ZNF638: variants seen among roughly 807,000 people sequenced by gnomAD.
The protein encoded by ZNF638 is zinc finger protein 638, also known as CTCL tumor antigen se33-1.
Under a neutral mutation model 195.6 loss-of-function variants are expected in ZNF638, and 46 were observed. That is an observed-to-expected ratio of 0.24 (90% CI 0.19 to 0.30). The LOEUF is 0.30. ZNF638 is among the 10% of genes least tolerant of loss of function. The probability of loss-of-function intolerance (pLI) is 1.00; values close to 1 mark genes in which losing one functional copy is unlikely to be tolerated. For synonymous variants in ZNF638, 845 were observed against 772.0 expected, an observed-to-expected ratio of 1.09 and a Z score of -1.57; for missense variants, 2,440 against 2,325.3, an observed-to-expected ratio of 1.05 and a Z score of -1.01.
chr2:71,395,836 T>C (rs1318346820), intron 10 of ZNF638: 31 of 457,800 alleles, frequency 6.8e-5, no homozygotes, highest in Non-Finnish European at 1.2e-4. Flanking sequence ...ACTTGATATA[T>C]TGTGTGTGTT....
At position 71,349,013 on chromosome 2, in the gene ZNF638, C is replaced by T. The variant is rs1411404546; in HGVS notation, c.59C>T (p.Pro20Leu). The stretch of plus-strand genomic sequence containing the variant: ...TTTCCACTTCAAAGGCCACGAGCAC[C>T]TAACCCTTCTGGGATGAGGCCTCCA... ...GDFPLQRPRA[P>L]NPSGMRPPGP... The change falls in exon 2 of 28, where the codon CCT becomes CTT. Residue 20 changes from proline (P) to leucine (L), a missense_variant. Physicochemically the swap from Pro to Leu is moderately conservative, Grantham distance 98. Transcript: ENST00000264447. The T allele has an allele frequency of 7.4e-6, 12 of 1,614,196 alleles. No individual in the cohort carries two copies. Among genetic ancestry groups the T allele is most frequent in the Non-Finnish European group, 1.0e-5 (12 of 1,180,036 alleles).
intron 8 of ZNF638, among the ~76,000 whole-genome samples, chr2:71,373,280 CTG>C (rs1279022711): frequency 1.0e-4 from 15 of 146,412 alleles, no homozygotes; most frequent in East Asian, 6.3e-4. Context: ...AGTGAGTTGT[CTG>C]TATCTTTTCC....
rs1454953144 is a variant in ZNF638, at chr2:71,350,007, C to T, written c.1053C>T (p.Ile351=). ...CATCTGTAAGCCAGCAAGAGCGGAT[C>T]CCACATGAACCTGTGATTAATTCAT... The part of the protein sequence containing the change: ...LISSVSQQER[I]PHEPVINSSN... The change falls in exon 2 of 28, where the codon ATC becomes ATT. Residue 351 remains isoleucine, a synonymous_variant. Coordinates refer to ENST00000264447, the MANE Select transcript of ZNF638 (RefSeq NM_014497.5). The T allele has an allele frequency of 1.9e-6, 3 of 1,614,180 alleles. No individual in the cohort carries two copies.
At chr2:71,342,597 G>A (rs2078780693) in intron 1 of ZNF638, among the ~76,000 whole-genome samples, 1 of 152,192 alleles carries the variant, frequency 6.6e-6, no homozygotes, top group Non-Finnish European at 1.5e-5. Context: ...GATGATGGTG[G>A]TGAGAGGAAA....
intron 22 of ZNF638, 68 bp downstream of exon 22, chr2:71,424,106 A>T: frequency 6.5e-7 from 1 of 1,528,152 alleles, no homozygotes. Context: ...GTAGCTATGT[A>T]GTAGGAGATG....
intron 1 of ZNF638, among the ~76,000 whole-genome samples, chr2:71,333,655 G>A (rs763644018): frequency 2.7e-4 from 41 of 152,322 alleles, no homozygotes; most frequent in Middle Eastern, 3.4e-3. Context: ...TAGTTTAGTG[G>A]AAAGAGAATA....
chr2:71,392,484 G>C (rs1422241506), intron 10 of ZNF638, among the ~76,000 whole-genome samples: 1 of 152,146 alleles, frequency 6.6e-6, no homozygotes, highest in East Asian at 1.9e-4. Flanking sequence ...GCAAAACCTT[G>C]AGACCGCCCT....
intron 10 of ZNF638, chr2:71,388,731 AT>A: frequency 8.5e-7 from 1 of 1,176,782 alleles, no homozygotes; most frequent in Non-Finnish European, 1.3e-6. Context: ...TCAGTAAGTC[AT>A]TGGTGCCCAC....
chr2:71,388,438 C>G (rs760605711), intron 10 of ZNF638: 23 of 686,296 alleles, frequency 3.4e-5, no homozygotes, highest in Middle Eastern at 2.6e-4. Flanking sequence ...GCGGGGGCAA[C>G]AACTACCCAC....
At chr2:71,336,518 C>G (rs571346985) in intron 1 of ZNF638, among the ~76,000 whole-genome samples, 14 of 152,108 alleles carry the variant, frequency 9.2e-5, no homozygotes, top group African/African-American at 2.9e-4. Context: ...AAAAATTACT[C>G]GTCTTACTAA....
chr2:71,417,122 C>T (rs2080312604), intron 20 of ZNF638, among the ~76,000 whole-genome samples: 1 of 146,576 alleles, frequency 6.8e-6, no homozygotes. Flanking sequence ...TGCTAGCAAT[C>T]AGCGAGATTC....
intron 8 of ZNF638, among the ~76,000 whole-genome samples, chr2:71,371,691 T>C (rs1367116068): frequency 9.8e-6 from 1 of 102,224 alleles, no homozygotes; most frequent in Non-Finnish European, 1.9e-5. Context: ...TTTTTTTTTA[T>C]CAGAGTATTA....
chr2:71,376,284 T>G (rs1456552539), intron 8 of ZNF638: 1 of 152,256 alleles, frequency 6.6e-6, no homozygotes, highest in East Asian at 1.9e-4. Flanking sequence ...GGCTAACTCA[T>G]GACACCTCTG....
intron 8 of ZNF638, among the ~76,000 whole-genome samples, chr2:71,378,004 C>T (rs2079465224): frequency 6.6e-6 from 1 of 152,172 alleles, no homozygotes; most frequent in Non-Finnish European, 1.5e-5. Flanking sequence ...TATTCTCAGA[C>T]ATGCATGGAC....
chr2:71,393,537 C>T, intron 10 of ZNF638: 1 of 718,028 alleles, frequency 1.4e-6, no homozygotes. Flanking sequence ...AAGCCCCGGA[C>T]ATTACCTGGG....
chr2:71,391,577 C>T (rs1276509383), intron 10 of ZNF638, among the ~76,000 whole-genome samples: 1 of 152,192 alleles, frequency 6.6e-6, no homozygotes, highest in Non-Finnish European at 1.5e-5. Context: ...TTAATCATAG[C>T]ACCTGAAAAA....
At chr2:71,424,509 G>A (rs945901056) in intron 22 of ZNF638, 141 bp from the exon 23 acceptor site, 47 of 670,686 alleles carry the variant, frequency 7.0e-5, no homozygotes, top group Non-Finnish European at 1.1e-4. Flanking sequence ...ACTTAGTTTT[G>A]TATACATGTT....
intron 2 of ZNF638, among the ~76,000 whole-genome samples, chr2:71,355,025 G>C (rs2079001468): frequency 6.6e-6 from 1 of 151,972 alleles, no homozygotes; most frequent in Non-Finnish European, 1.5e-5. Context: ...CTGGAGTGCA[G>C]TGGCGCAATC....
In ZNF638 at chr2:71,406,199, A is replaced by C; in HGVS notation, c.3072A>C (p.Val1024=). ...DNLPEDGLQC[V]LCVGLQFGKV... is the part of the protein sequence containing the mutation. ...TACCGGAAGATGGACTTCAGTGTGT[A>C]CTTTGTGTTGGACTTCAGTTTGGAA... is the stretch of plus-strand genomic sequence containing the variant. The change falls in exon 19 of 28, where the codon GTA becomes GTC. Residue 1024 remains valine (V), a synonymous_variant. Transcript: ENST00000264447. 1 of 1,613,672 alleles carries C rather than the reference A, an allele frequency of 6.2e-7. No homozygotes were observed. The highest frequency in any genetic ancestry group is 8.5e-7 in the Non-Finnish European group (1 of 1,179,660).
Sources: gnomAD v4.1 joint callset for allele counts (sites outside exome capture counted in the v4.1 genomes callset) on GRCh38, gnomAD v4.1.1 for gene constraint, MANE v1.5 for transcripts, NCBI Gene and HGNC (gene_info 2026-07-23, HGNC 2026-07-21) for gene names.